Variants in GNG4 observed in about 807,000 individuals in gnomAD.
GNG4 encodes guanine nucleotide-binding protein G(I)/G(S)/G(O) subunit gamma-4.
GNG4 carries 4 observed loss-of-function variants against 5.8 expected under a neutral mutation model. The observed-to-expected ratio is 0.69, with a 90% CI of 0.34 to 1.57. The LOEUF (loss-of-function observed/expected upper bound fraction) is 1.57. Ranked by LOEUF, GNG4 falls within the 40% of genes most tolerant of loss-of-function variation. The pLI, the probability that GNG4 is intolerant of heterozygous loss-of-function variation, is 0.06. For synonymous variants in GNG4, 29 were observed against 32.9 expected (o/e 0.88, Z 0.41); for missense variants, 96 against 95.1 (o/e 1.01, Z -0.04).
At chr1:235,623,782 C>T (rs1045694088) in intron 1 of GNG4, among the ~76,000 whole-genome samples, 40 of 152,196 alleles carry the variant, frequency 2.6e-4, no homozygotes, top group Non-Finnish European at 1.2e-4. Flanking sequence ...CCTCATCATG[C>T]TGTCTCCCCA....
intron 3 of GNG4, among the ~76,000 whole-genome samples, chr1:235,555,038 AAG>A (rs1467376658): frequency 1.3e-5 from 2 of 152,194 alleles, no homozygotes; most frequent in African/African-American, 4.8e-5. Context: ...CAGAGGATGC[AAG>A]AGAAAGAATA....
At chr1:235,630,903 C>CT (rs1257976818) in intron 1 of GNG4, among the ~76,000 whole-genome samples, 1,794 of 145,330 alleles carry the variant, frequency 0.012, 31 homozygotes, top group African/African-American at 0.037. Context: ...AGAGACTCTC[C>CT]TTTTTTTTTT....
chr1:235,590,735 T>G (rs562165962), intron 2 of GNG4, among the ~76,000 whole-genome samples: 121 of 152,276 alleles, frequency 7.9e-4, no homozygotes, highest in Non-Finnish European at 1.1e-3. Context: ...ACTGTGGCCC[T>G]GCACACCTGG....
At chr1:235,643,843 C>T (rs1657424295) in intron 1 of GNG4, among the ~76,000 whole-genome samples, 1 of 152,220 alleles carries the variant, frequency 6.6e-6, no homozygotes, top group Non-Finnish European at 1.5e-5. Context: ...TGGCTTCTTT[C>T]AGACACTATT....
rs1657615475 is a variant in GNG4 at position 235,649,743 on chromosome 1, CG to C, written c.-205del. ...CAGGCCGAGCGGCATCGCTCCGCAT[CG>C]GGGCGCGGGCCGGGCTCGGGTGCAA... On this transcript the variant is annotated 5_prime_UTR_variant, in exon 1 of 4. Transcript: ENST00000391854. This position sits in a 1 kb window ranked among gnomAD's most constrained non-coding sequence, Gnocchi z 5.7. 1 of 151,180 alleles carries C rather than the reference CG, an allele frequency of 6.6e-6. No homozygotes were observed. The highest frequency in any genetic ancestry group is 1.5e-5 in the Non-Finnish European group (1 of 67,692). The allele number at this position is 151,180 out of a possible 1,614,324, so 9.4% of individuals were successfully genotyped here. A position where few individuals can be genotyped will look rare whatever the true frequency, so the allele number is the denominator to read the frequency against.
rs1422507994 is a variant in GNG4 at position 235,552,302 on chromosome 1, GGTGTCCACGTACAGAGGGGA to G, written c.100-85_100-66del. 4.4e-5 allele frequency: 65 copies of G among 1,464,686 alleles called. No individual in the cohort carries two copies. In the South Asian group the frequency reaches 5.5e-4, roughly 12 times the overall value. The allele number at this position is 1,464,686 out of a possible 1,614,324, so 90.7% of individuals were successfully genotyped here. On this transcript the variant is annotated intron_variant, in intron 3 of 3. Coordinates refer to ENST00000391854, the MANE Select transcript of GNG4 (RefSeq NM_001098722.2). The stretch of plus-strand genomic sequence containing the variant: ...CTTTGCAGAGTGAGTCCAGGGAAGA[GGTGTCCACGTACAGAGGGGA>G]CAAGCCCTAGGGTAGGCTGTATTGT...
At chr1:235,571,078 G>A (rs1687331324) in intron 3 of GNG4, among the ~76,000 whole-genome samples, 1 of 151,346 alleles carries the variant, frequency 6.6e-6, no homozygotes, top group Admixed American at 6.6e-5. Context: ...TGGAATTACA[G>A]GTGTGAGTCA....
At chr1:235,649,939 C>G (rs1430487237), upstream of GNG4, 2 of 150,312 alleles carry the variant, frequency 1.3e-5, no homozygotes, top group Admixed American at 1.3e-4. This position sits in a 1 kb window ranked among gnomAD's most constrained non-coding sequence, Gnocchi z 5.7. Flanking sequence ...CCCCCTGTGC[C>G]GTGGGGGCCC....
chr1:235,616,176 C>A, intron 1 of GNG4: 1 of 519,906 alleles, frequency 1.9e-6, no homozygotes, highest in Non-Finnish European at 3.8e-6. Context: ...GGCATCCTGG[C>A]CAGCAGCCAC....
chr1:235,626,592 C>T (rs1036464321), intron 1 of GNG4, among the ~76,000 whole-genome samples: 1 of 152,140 alleles, frequency 6.6e-6, no homozygotes, highest in African/African-American at 2.4e-5. Context: ...CCAGCCCCAC[C>T]GTCTACTGAG....
chr1:235,604,952 G>A (rs958235160), intron 1 of GNG4, among the ~76,000 whole-genome samples: 1 of 152,162 alleles, frequency 6.6e-6, no homozygotes, highest in African/African-American at 2.4e-5. Flanking sequence ...ATCTCAGGGT[G>A]ATGGGAGCAT....
chr1:235,637,250 G>T (rs925360503), intron 1 of GNG4, among the ~76,000 whole-genome samples: 2 of 152,120 alleles, frequency 1.3e-5, no homozygotes, highest in African/African-American at 4.8e-5. Flanking sequence ...TTCAGGTTAT[G>T]CTTACGTGTC....
chr1:235,622,538 AC>A (rs1446470366), intron 1 of GNG4, among the ~76,000 whole-genome samples: 4 of 151,926 alleles, frequency 2.6e-5, no homozygotes, highest in African/African-American at 9.7e-5. Context: ...ACATGGTGAA[AC>A]CCCATCTCTA....
At chr1:235,578,915 T>C (rs1324283739) in intron 3 of GNG4, among the ~76,000 whole-genome samples, 1 of 152,040 alleles carries the variant, frequency 6.6e-6, no homozygotes, top group Non-Finnish European at 1.5e-5. Flanking sequence ...CTGGCCAACA[T>C]GGCGAACCCC....
In GNG4 at chr1:235,552,152, T is replaced by C; in HGVS notation, c.185A>G (p.Glu62Gly). 6.2e-7 allele frequency: 1 copy of C among 1,614,076 alleles called. No individual in the cohort carries two copies. The highest frequency in any genetic ancestry group is 8.5e-7 in the Non-Finnish European group (1 of 1,179,924). ...GAACTTCTTCTCGCGAAAGGGGTTTTCTGATGCAGGCACTGGAATGATGAG... is the reference window on the plus strand; with the variant it reads ...GAACTTCTTCTCGCGAAAGGGGTTTCCTGATGCAGGCACTGGAATGATGAG... ...DPLIIPVPAS[E>G]NPFREKKFFC... The change falls in exon 4 of 4, where the codon GAA becomes GGA. Residue 62 changes from glutamate to glycine, a missense_variant. Transcript: ENST00000391854.
intron 3 of GNG4, among the ~76,000 whole-genome samples, chr1:235,552,519 G>A (rs77886844): frequency 2.6e-5 from 4 of 152,268 alleles, no homozygotes; most frequent in Non-Finnish European, 4.4e-5. Flanking sequence ...ATATATTCTC[G>A]AGTAGGTGAG....
chr1:235,587,548 TTGGG>T, intron 2 of GNG4, among the ~76,000 whole-genome samples: 1 of 1,590 alleles, frequency 6.3e-4, no homozygotes, highest in Non-Finnish European at 1.0e-3. Flanking sequence ...AGGGTGTGGG[TTGGG>T]GTTGTGAATG....
chr1:235,571,627 A>C (rs1026044207), intron 3 of GNG4, among the ~76,000 whole-genome samples: 1 of 152,190 alleles, frequency 6.6e-6, no homozygotes, highest in East Asian at 1.9e-4. Flanking sequence ...TGACTCAAAC[A>C]CTTTCTTGTG....
chr1:235,589,513 C>T (rs1302080206), intron 2 of GNG4, among the ~76,000 whole-genome samples: 2 of 152,164 alleles, frequency 1.3e-5, no homozygotes, highest in Non-Finnish European at 2.9e-5. Flanking sequence ...CTGCTTATGG[C>T]CCCACGAGTG....
Sources: gnomAD v4.1 joint callset for allele counts (sites outside exome capture counted in the v4.1 genomes callset) on GRCh38, gnomAD v4.1.1 for gene constraint, Gnocchi (gnomAD v3.1) non-coding constraint, MANE v1.5 for transcripts, NCBI Gene and HGNC (gene_info 2026-07-23, HGNC 2026-07-21) for gene names.